Variants in NCOA6 observed in about 807,000 individuals in gnomAD.
NCOA6 encodes the protein NRC RAP250.
Under a neutral mutation model 171.4 loss-of-function variants are expected in NCOA6, and 49 were observed. The ratio of observed to expected loss-of-function variants is 0.29; its 90% CI spans 0.23 to 0.36. NCOA6 has a LOEUF of 0.36. NCOA6 is among the 10% of genes least tolerant of loss of function. NCOA6 has a pLI of 1.00. For missense variants in NCOA6, 2,248 were observed against 2,554.5 expected, an observed-to-expected ratio of 0.88 and a Z score of 2.59; for synonymous variants, 910 against 927.5, an observed-to-expected ratio of 0.98 and a Z score of 0.34.
intron 5 of NCOA6, among the ~76,000 whole-genome samples, chr20:34,767,148 T>C (rs1433646435): frequency 6.6e-6 from 1 of 152,096 alleles, no homozygotes; most frequent in Non-Finnish European, 1.5e-5. Context: ...CAAAAGATGG[T>C]AGGTATTATT....
chr20:34,767,484 TG>T (rs1169183348), intron 5 of NCOA6, among the ~76,000 whole-genome samples: 1 of 152,030 alleles, frequency 6.6e-6, no homozygotes, highest in Non-Finnish European at 1.5e-5. Flanking sequence ...TTAGTAGAGA[TG>T]GGGTTTCACC....
Position 34,741,003 on chromosome 20 carries a change from A to G in NCOA6, c.5253T>C (p.Ser1751=). 3 of 1,614,190 alleles carry G rather than the reference A, an allele frequency of 1.9e-6. No individual in the cohort carries two copies. The highest frequency in any genetic ancestry group is 2.5e-6 in the Non-Finnish European group (3 of 1,180,030). Residue 1751 remains serine, a synonymous_variant, in exon 11 of 15, where the codon TCT becomes TCC. Transcript: ENST00000359003. Reference sequence around the variant, plus strand: ...CAGGGGGATGAGAAGGGACAACTGGAGAAGACGTACAAGGAGGGGAAGGAA... The same window carrying G: ...CAGGGGGATGAGAAGGGACAACTGGGGAAGACGTACAAGGAGGGGAAGGAA... The part of the protein sequence containing the change: ...VQLPSPPCTS[S]PVVPSHPPVQ...
Position 34,757,449 on chromosome 20 carries a change from G to A in NCOA6, c.1299C>T (p.Ser433=), listed in dbSNP as rs2076674221. The A allele has an allele frequency of 6.2e-7, 1 of 1,613,726 alleles. No homozygotes were observed. Among genetic ancestry groups the A allele is most frequent in the African/African-American group, 1.3e-5 (1 of 74,932 alleles). ...LTNKSPASSP[S]SFQQGSPASS... ...ATGCAGGGGATCCCTGCTGGAAGGA[G>A]GAGGGTGAGGAGGCAGGAGACTTGT... The change falls in exon 7 of 15, where the codon TCC becomes TCT. Residue 433 remains serine, a synonymous_variant. Transcript: ENST00000359003.
chr20:34,788,109 C>T (rs940516974), intron 2 of NCOA6, among the ~76,000 whole-genome samples: 13 of 152,010 alleles, frequency 8.6e-5, no homozygotes, highest in South Asian at 2.1e-4. Context: ...TCAAGCAATC[C>T]GCCCACCTTG....
intron 3 of NCOA6, among the ~76,000 whole-genome samples, chr20:34,777,283 A>G (rs1286577401): frequency 6.6e-6 from 1 of 152,066 alleles, no homozygotes; most frequent in Non-Finnish European, 1.5e-5. Context: ...TATCAAAACC[A>G]CAGAAAATAA....
rs142330777 is a variant in NCOA6, at chr20:34,715,150, C to G, written c.*172G>C. ...AACTCGCAACACCAAAAGGGCTCAA[C>G]AGTCCTGCTTTCCCCATTGCACTTT... On this transcript the variant is annotated 3_prime_UTR_variant, in exon 15 of 15. Transcript: ENST00000359003. The G allele has an allele frequency of 1.3e-6, 1 of 748,460 alleles. No homozygotes were observed. Among genetic ancestry groups the G allele is most frequent in the Non-Finnish European group, 2.2e-6 (1 of 460,596 alleles). The allele number at this position is 748,460 out of a possible 1,614,324, so 46.4% of individuals were successfully genotyped here. A position where few individuals can be genotyped will look rare whatever the true frequency, so the allele number is the denominator to read the frequency against.
intron 4 of NCOA6, among the ~76,000 whole-genome samples, 172 bp from the exon 5 acceptor site, chr20:34,768,758 G>A (rs1395174452): frequency 6.6e-6 from 1 of 152,126 alleles, no homozygotes; most frequent in Non-Finnish European, 1.5e-5. Context: ...ACCCATCTAA[G>A]CAGGTTTCAT....
At chr20:34,778,128 C>T (rs2077394818) in intron 3 of NCOA6, among the ~76,000 whole-genome samples, 1 of 152,192 alleles carries the variant, frequency 6.6e-6, no homozygotes, top group Non-Finnish European at 1.5e-5. Flanking sequence ...TGGTCTTGAT[C>T]TCCTGACCTC....
At chr20:34,717,976 G>T (rs1191139954) in intron 14 of NCOA6, among the ~76,000 whole-genome samples, 1 of 152,110 alleles carries the variant, frequency 6.6e-6, no homozygotes, top group Non-Finnish European at 1.5e-5. Flanking sequence ...GCAACCTCAG[G>T]CTCCCCCTCC....
chr20:34,730,134 T>A (rs937478480), intron 13 of NCOA6, among the ~76,000 whole-genome samples: 15 of 151,968 alleles, frequency 9.9e-5, no homozygotes, highest in African/African-American at 3.6e-4. Context: ...GGTAGTGCAA[T>A]CATGGCTCAT....
In NCOA6 at chr20:34,757,325, C is replaced by T; in HGVS notation, c.1423G>A (p.Gly475Ser). ...CCCTGTTGAACCATAGGATTCCGAC[C>T]CGGAGAGCTGACAGGCTGCTGAAAT... Reference protein sequence around the residue: ...QGFQQPVSSPGRNPMVQQGNV... With the variant: ...QGFQQPVSSPSRNPMVQQGNV... Residue 475 changes from glycine (G) to serine (S), a missense_variant, in exon 7 of 15, where the codon GGT (glycine) becomes AGT (serine). Around this residue, in one of 7 missense-constraint regions of NCOA6, gnomAD observed 987 missense variants for 1,104.7 expected, o/e 0.89. Transcript: ENST00000359003. The T allele has an allele frequency of 1.9e-6, 3 of 1,614,140 alleles. No homozygotes were observed. Among genetic ancestry groups the T allele is most frequent in the Non-Finnish European group, 2.5e-6 (3 of 1,179,990 alleles).
chr20:34,779,130 A>T (rs542599862), intron 3 of NCOA6, among the ~76,000 whole-genome samples: 68 of 152,270 alleles, frequency 4.5e-4, no homozygotes, highest in Non-Finnish European at 5.9e-5. Context: ...AATACTTTTT[A>T]AAAAAGTTAA....
At chr20:34,785,374 T>C (rs759342336) in intron 2 of NCOA6, among the ~76,000 whole-genome samples, 1 of 151,196 alleles carries the variant, frequency 6.6e-6, no homozygotes, top group Non-Finnish European at 1.5e-5. Context: ...GCAGGAGTGC[T>C]GTTTGAGCCC....
At chr20:34,755,967 C>A (rs1455987031) in intron 7 of NCOA6, among the ~76,000 whole-genome samples, 2 of 152,280 alleles carry the variant, frequency 1.3e-5, no homozygotes, top group African/African-American at 4.8e-5. Flanking sequence ...GAACTCCTGA[C>A]CTCAGGTTAT....
chr20:34,723,682 G>A (rs1469717589), intron 14 of NCOA6, among the ~76,000 whole-genome samples: 1 of 152,168 alleles, frequency 6.6e-6, no homozygotes, highest in Non-Finnish European at 1.5e-5. Context: ...CAGTTTAAGT[G>A]TACAGGCTTA....
chr20:34,718,017 C>T (rs543920642), intron 14 of NCOA6, among the ~76,000 whole-genome samples: 1 of 152,108 alleles, frequency 6.6e-6, no homozygotes, highest in East Asian at 1.9e-4. Context: ...GTCACTGCTC[C>T]GAAGCACCCA....
chr20:34,766,097 T>A (rs541602930), intron 5 of NCOA6, among the ~76,000 whole-genome samples: 1 of 152,276 alleles, frequency 6.6e-6, no homozygotes, highest in South Asian at 2.1e-4. Flanking sequence ...ATCCTTCAAG[T>A]CTCAATAGAC....
chr20:34,761,257 T>C (rs1280964278), intron 5 of NCOA6, among the ~76,000 whole-genome samples: 1 of 152,214 alleles, frequency 6.6e-6, no homozygotes, highest in Admixed American at 6.5e-5. Flanking sequence ...ACTTAGCTTG[T>C]TAATTTTCAG....
At chr20:34,821,339 G>A (rs1259446802) in intron 1 of NCOA6, 1 of 152,122 alleles carries the variant, frequency 6.6e-6, no homozygotes, top group African/African-American at 2.4e-5. Context: ...ACAGATCGTG[G>A]GCCAGATTTG....
Sources: allele counts gnomAD v4.1 joint callset (sites outside exome capture counted in the v4.1 genomes callset), GRCh38; gene constraint gnomAD v4.1.1; regional missense constraint gnomAD v4.1.1; transcripts MANE v1.5; gene names NCBI Gene and HGNC (gene_info 2026-07-23, HGNC 2026-07-21).